GLDN: variants seen among roughly 807,000 people sequenced by gnomAD.
GLDN encodes gliomedin.
Under a neutral mutation model 56.5 loss-of-function variants are expected in GLDN, and 47 were observed. The ratio of observed to expected loss-of-function variants is 0.83; its 90% CI spans 0.66 to 1.06. GLDN has a LOEUF of 1.06. GLDN is among the 50% of genes least tolerant of loss of function. The pLI is 0.00. For synonymous variants in GLDN, 332 were observed against 278.8 expected, an observed-to-expected ratio of 1.19 and a Z score of -1.90; for missense variants, 782 against 714.3, an observed-to-expected ratio of 1.09 and a Z score of -1.08.
At chr15:51,356,074 G>A (rs921387911) in intron 1 of GLDN, among the ~76,000 whole-genome samples, 16 of 151,832 alleles carry the variant, frequency 1.1e-4, no homozygotes, top group Non-Finnish European at 5.9e-5. Flanking sequence ...GGGCGTGGTG[G>A]TGCGTGCCCG....
At chr15:51,363,383 G>C (rs1243691202) in intron 1 of GLDN, among the ~76,000 whole-genome samples, 1 of 152,152 alleles carries the variant, frequency 6.6e-6, no homozygotes, top group Non-Finnish European at 1.5e-5. Context: ...ATTTTTAAAA[G>C]CATAGGGCTC....
intron 1 of GLDN, among the ~76,000 whole-genome samples, chr15:51,350,210 G>C (rs1228854966): frequency 6.6e-6 from 1 of 152,206 alleles, no homozygotes; most frequent in East Asian, 1.9e-4. Flanking sequence ...CTGCTTGCTG[G>C]CTTCCCAAAC....
intron 5 of GLDN, among the ~76,000 whole-genome samples, chr15:51,397,074 C>G (rs764632792): frequency 3.2e-4 from 48 of 152,180 alleles, no homozygotes; most frequent in African/African-American, 7.0e-4. Flanking sequence ...TTGAAAAGAC[C>G]AGGTCAGAGC....
At chr15:51,378,565 T>A (rs191361773) in intron 2 of GLDN, among the ~76,000 whole-genome samples, 1 of 152,214 alleles carries the variant, frequency 6.6e-6, no homozygotes, top group East Asian at 1.9e-4. Context: ...GGCTGTACAG[T>A]GAATGCATGG....
At chr15:51,378,385 T>A (rs938663930) in intron 2 of GLDN, among the ~76,000 whole-genome samples, 1 of 152,232 alleles carries the variant, frequency 6.6e-6, no homozygotes, top group Non-Finnish European at 1.5e-5. Flanking sequence ...CTGAAACTCT[T>A]GTAGCTTAAG....
At chr15:51,360,994 A>G (rs1429312606) in intron 1 of GLDN, among the ~76,000 whole-genome samples, 3 of 152,234 alleles carry the variant, frequency 2.0e-5, no homozygotes, top group African/African-American at 7.2e-5. Context: ...TTGGTTAACT[A>G]TGATTTCTGA....
chr15:51,388,810 G>A (rs1017522851), intron 4 of GLDN, among the ~76,000 whole-genome samples: 16 of 152,210 alleles, frequency 1.1e-4, no homozygotes, highest in African/African-American at 2.9e-4. Context: ...GAGCAAGAGC[G>A]AACAGGAAAG....
chr15:51,403,808 G>A (rs1245670994), intron 9 of GLDN, among the ~76,000 whole-genome samples: 1 of 152,076 alleles, frequency 6.6e-6, no homozygotes, highest in East Asian at 1.9e-4. Context: ...TCAACCTCTG[G>A]CTCTGCCTCT....
downstream of GLDN, among the ~76,000 whole-genome samples, chr15:51,408,302 T>C (rs2038425956): frequency 6.6e-6 from 1 of 152,196 alleles, no homozygotes; most frequent in African/African-American, 2.4e-5. Context: ...ACATAATATT[T>C]GAGGCTAAAA....
intron 1 of GLDN, among the ~76,000 whole-genome samples, chr15:51,362,127 C>G (rs938491401): frequency 6.6e-6 from 1 of 152,062 alleles, no homozygotes; most frequent in African/African-American, 2.4e-5. Flanking sequence ...AGTGCAAAGG[C>G]CCCGAGTTGA....
At chr15:51,363,218 T>A (rs2037335624) in intron 1 of GLDN, among the ~76,000 whole-genome samples, 1 of 152,180 alleles carries the variant, frequency 6.6e-6, no homozygotes. Context: ...ATGCTAAGCA[T>A]GATATTATTC....
intron 1 of GLDN, among the ~76,000 whole-genome samples, chr15:51,376,046 C>T (rs935418099): frequency 1.2e-4 from 18 of 152,124 alleles, no homozygotes; most frequent in African/African-American, 3.4e-4. Flanking sequence ...CTGCTGATAG[C>T]GAATATTCTT....
At chr15:51,348,663 C>G (rs1242478455) in intron 1 of GLDN, among the ~76,000 whole-genome samples, 1 of 151,974 alleles carries the variant, frequency 6.6e-6, no homozygotes, top group Non-Finnish European at 1.5e-5. Context: ...AGTACAAAAT[C>G]TGTTTTTTTT....
chr15:51,391,547 G>A (rs1206061749), intron 4 of GLDN, among the ~76,000 whole-genome samples: 1 of 152,164 alleles, frequency 6.6e-6, no homozygotes, highest in Non-Finnish European at 1.5e-5. Context: ...CAGATAATGT[G>A]CCAAATTGCC....
intron 4 of GLDN, among the ~76,000 whole-genome samples, chr15:51,386,846 T>C (rs1595829529): frequency 6.6e-6 from 1 of 151,932 alleles, no homozygotes; most frequent in African/African-American, 2.4e-5. Context: ...GATGGATGGG[T>C]AAGCTGCTCC....
chr15:51,345,435 A>G (rs1050834228), intron 1 of GLDN, among the ~76,000 whole-genome samples: 3 of 152,230 alleles, frequency 2.0e-5, no homozygotes, highest in African/African-American at 7.2e-5. Context: ...TAACAAGAAA[A>G]TCAGCCTGGC....
intron 9 of GLDN, 107 bp downstream of exon 9, chr15:51,401,850 C>T: frequency 1.0e-6 from 1 of 999,490 alleles, no homozygotes; most frequent in South Asian, 1.6e-5. Flanking sequence ...TCTTTGTGTC[C>T]CTAGGGCTGA....
chr15:51,360,819 A>G (rs1595808926), intron 1 of GLDN, among the ~76,000 whole-genome samples: 1 of 152,184 alleles, frequency 6.6e-6, no homozygotes, highest in Non-Finnish European at 1.5e-5. Flanking sequence ...ATTGTTCACG[A>G]CATAGGTAGC....
At chr15:51,409,631 CA>C (rs1387297841), downstream of GLDN, among the ~76,000 whole-genome samples, 1 of 152,166 alleles carries the variant, frequency 6.6e-6, no homozygotes, top group African/African-American at 2.4e-5. Flanking sequence ...GCCGCTTGCC[CA>C]GAGGCCACAT....
Sources: allele counts gnomAD v4.1 joint callset (sites outside exome capture counted in the v4.1 genomes callset), GRCh38; gene constraint gnomAD v4.1.1; transcripts MANE v1.5; gene names NCBI Gene and HGNC (gene_info 2026-07-23, HGNC 2026-07-21).